Variants in PPP1R9A observed in about 807,000 individuals in gnomAD.
PPP1R9A encodes the protein protein phosphatase 1 regulatory subunit 9A.
PPP1R9A carries 59 observed loss-of-function variants against 141.9 expected under a neutral mutation model. The ratio of observed to expected loss-of-function variants is 0.42; its 90% confidence interval spans 0.34 to 0.52. The LOEUF (loss-of-function observed/expected upper bound fraction) is 0.52. Ranked by LOEUF, PPP1R9A falls within the 20% of genes least tolerant of loss-of-function variation. The probability of loss-of-function intolerance (pLI) is 0.10; values close to 1 mark genes in which losing one functional copy is unlikely to be tolerated. For synonymous variants in PPP1R9A, 500 were observed against 569.7 expected, an observed-to-expected ratio of 0.88 and a Z score of 1.74; for missense variants, 1,444 against 1,611.9, an observed-to-expected ratio of 0.90 and a Z score of 1.78.
intron 2 of PPP1R9A, among the ~76,000 whole-genome samples, chr7:94,988,744 G>T (rs1219367659): frequency 6.6e-6 from 1 of 152,030 alleles, no homozygotes; most frequent in Non-Finnish European, 1.5e-5. Flanking sequence ...AGTAGGCAGA[G>T]TTTCAGCTTT....
intron 2 of PPP1R9A, among the ~76,000 whole-genome samples, chr7:94,955,513 G>T (rs1453932732): frequency 6.6e-6 from 1 of 151,766 alleles, no homozygotes. Context: ...TTTCTTGCTT[G>T]CTCTAATTGC....
chr7:95,108,087 C>A (rs954078506), intron 2 of PPP1R9A, among the ~76,000 whole-genome samples: 3 of 151,852 alleles, frequency 2.0e-5, no homozygotes, highest in African/African-American at 4.8e-5. Context: ...CTTTACTGAA[C>A]TCTTATTAGT....
At position 95,060,003 on chromosome 7, in the gene PPP1R9A, G is replaced by A. The variant is rs550211861; in HGVS notation, c.1396-51256G>A. On this transcript the variant is annotated intron_variant, in intron 2 of 19. Transcript: ENST00000433360. ...GAAGATACAGGCTGAGAGAGACTGAGCAGACAACTTGGCAGCAGTCCTGGA... is the reference window on the plus strand; with the variant it reads ...GAAGATACAGGCTGAGAGAGACTGAACAGACAACTTGGCAGCAGTCCTGGA... Among the ~76,000 whole-genome samples the A allele has an allele frequency of 5.3e-5, 8 of 152,258 alleles. No homozygotes were observed. The South Asian group carries it at 1.2e-3, about 24-fold the overall frequency.
At chr7:94,960,372 T>C (rs1449208207) in intron 2 of PPP1R9A, among the ~76,000 whole-genome samples, 1 of 151,642 alleles carries the variant, frequency 6.6e-6, no homozygotes, top group Non-Finnish European at 1.5e-5. Context: ...GTGTGTCCTC[T>C]ATGCTGAGGG....
intron 4 of PPP1R9A, among the ~76,000 whole-genome samples, chr7:95,136,297 A>G (rs1295173747): frequency 1.3e-5 from 2 of 152,132 alleles, no homozygotes; most frequent in Non-Finnish European, 2.9e-5. Context: ...ACAACTAAAT[A>G]TTAAATTATG....
At chr7:94,954,130 C>G (rs570076080) in intron 2 of PPP1R9A, among the ~76,000 whole-genome samples, 1 of 151,740 alleles carries the variant, frequency 6.6e-6, no homozygotes, top group East Asian at 1.9e-4. Flanking sequence ...TGTTGTTTTT[C>G]TTATTTTGAT....
At chr7:95,188,525 A>G (rs1834977485) in intron 5 of PPP1R9A, among the ~76,000 whole-genome samples, 1 of 151,404 alleles carries the variant, frequency 6.6e-6, no homozygotes, top group Admixed American at 6.6e-5. Flanking sequence ...TATTCATCAC[A>G]CTAGTTATTG....
At chr7:94,927,325 T>C (rs1793604835) in intron 2 of PPP1R9A, among the ~76,000 whole-genome samples, 1 of 152,190 alleles carries the variant, frequency 6.6e-6, no homozygotes, top group African/African-American at 2.4e-5. Flanking sequence ...ATTTCTAAAA[T>C]GAATTTAATA....
intron 2 of PPP1R9A, among the ~76,000 whole-genome samples, chr7:95,069,527 G>A (rs1314669837): frequency 2.0e-5 from 3 of 152,012 alleles, no homozygotes; most frequent in South Asian, 2.1e-4. Context: ...GACACTCCAC[G>A]GGTACCCCAG....
chr7:95,038,486 T>C (rs892413926), intron 2 of PPP1R9A, among the ~76,000 whole-genome samples: 2 of 152,088 alleles, frequency 1.3e-5, no homozygotes, highest in East Asian at 3.9e-4. Flanking sequence ...CTCATGGCCC[T>C]GGTGGGAGAA....
At chr7:94,952,353 T>C (rs1027756582) in intron 2 of PPP1R9A, among the ~76,000 whole-genome samples, 1 of 152,204 alleles carries the variant, frequency 6.6e-6, no homozygotes, top group Non-Finnish European at 1.5e-5. Flanking sequence ...CAGTCTATCA[T>C]TGATGGGCAT....
At chr7:95,169,861 T>C (rs1033465443) in intron 5 of PPP1R9A, among the ~76,000 whole-genome samples, 2 of 151,762 alleles carry the variant, frequency 1.3e-5, no homozygotes, top group African/African-American at 2.4e-5. Flanking sequence ...CAACAATTTC[T>C]GGGCATGCAA....
intron 2 of PPP1R9A, among the ~76,000 whole-genome samples, chr7:94,988,783 A>G (rs149721667): frequency 3.2e-4 from 48 of 152,200 alleles, no homozygotes; most frequent in African/African-American, 9.9e-4. Context: ...ATACATATAC[A>G]TATACTTATA....
intron 5 of PPP1R9A, among the ~76,000 whole-genome samples, chr7:95,193,002 G>A (rs137923751): frequency 4.5e-4 from 68 of 152,132 alleles, no homozygotes; most frequent in Admixed American, 2.0e-3. Context: ...AATAACAATA[G>A]TGCATTCAAA....
chr7:94,926,276 G>A (rs545777239), intron 2 of PPP1R9A, among the ~76,000 whole-genome samples: 3 of 152,148 alleles, frequency 2.0e-5, no homozygotes, highest in East Asian at 3.9e-4. Flanking sequence ...GCTCTCTTTC[G>A]TTTGGGAAAT....
At chr7:95,075,830 C>G (rs529736907) in intron 2 of PPP1R9A, among the ~76,000 whole-genome samples, 1 of 151,702 alleles carries the variant, frequency 6.6e-6, no homozygotes, top group African/African-American at 2.4e-5. Context: ...GAGCGAGACT[C>G]CATCTCAAAA....
chr7:95,217,197 A>G (rs1398205015), intron 7 of PPP1R9A, among the ~76,000 whole-genome samples: 3 of 152,110 alleles, frequency 2.0e-5, no homozygotes, highest in African/African-American at 7.2e-5. Context: ...AATTTTGTCA[A>G]AGGCCTTTTC....
chr7:95,008,765 T>A (rs1338162183), intron 2 of PPP1R9A, among the ~76,000 whole-genome samples: 1 of 152,148 alleles, frequency 6.6e-6, no homozygotes, highest in Non-Finnish European at 1.5e-5. Context: ...TGGTCACACC[T>A]ACCCCATTGA....
intron 2 of PPP1R9A, among the ~76,000 whole-genome samples, chr7:95,033,976 T>G (rs866322283): frequency 6.6e-6 from 1 of 152,180 alleles, no homozygotes; most frequent in African/African-American, 2.4e-5. Flanking sequence ...TTCTTCAAAA[T>G]TGCCTTGTTT....
Sources: allele counts gnomAD v4.1 joint callset (sites outside exome capture counted in the v4.1 genomes callset), GRCh38; gene constraint gnomAD v4.1.1; transcripts MANE v1.5; gene names NCBI Gene and HGNC (gene_info 2026-07-23, HGNC 2026-07-21).